The following LARP6 variants were observed in gnomAD, a reference collection of about 807,000 sequenced individuals.
The protein encoded by LARP6 is la-related protein 6.
In LARP6, 18 loss-of-function variants were observed where a neutral mutation model predicts 32.8. The observed-to-expected ratio is 0.55, with a 90% CI of 0.38 to 0.81. The LOEUF (loss-of-function observed/expected upper bound fraction) is 0.81. Ranked by LOEUF, LARP6 falls within the 40% of genes least tolerant of loss-of-function variation. The pLI is 0.00. For missense variants in LARP6, 598 were observed against 663.1 expected (o/e 0.90, Z 1.08); for synonymous variants, 289 against 267.2 (o/e 1.08, Z -0.80).
At chr15:70,844,200 G>A (rs1003947201) in intron 1 of LARP6, among the ~76,000 whole-genome samples, 1 of 152,010 alleles carries the variant, frequency 6.6e-6, no homozygotes, top group South Asian at 2.1e-4. Flanking sequence ...CATGTGATCT[G>A]CCTGCCTCAG....
chr15:70,837,403 T>A (rs1417951129), intron 1 of LARP6, among the ~76,000 whole-genome samples: 3 of 151,948 alleles, frequency 2.0e-5, no homozygotes, highest in South Asian at 2.1e-4. Flanking sequence ...TAATAATAAT[T>A]ATTATAATAA....
chr15:70,841,578 G>A (rs576832975), intron 1 of LARP6, among the ~76,000 whole-genome samples: 6 of 152,220 alleles, frequency 3.9e-5, no homozygotes, highest in African/African-American at 1.4e-4. Context: ...GAATCATGGG[G>A]TCGTTTCTCA....
At chr15:70,852,300 T>A (rs991011445) in intron 1 of LARP6, 1 of 455,724 alleles carries the variant, frequency 2.2e-6, no homozygotes, top group Non-Finnish European at 4.4e-6. Context: ...ACTGAACACT[T>A]GCTGAGACTC....
In LARP6 at chr15:70,854,016, C is replaced by T. The variant is rs2032574237; in HGVS notation, c.73G>A (p.Ala25Thr). 6.9e-7 allele frequency: 1 copy of T among 1,457,704 alleles called. No individual in the cohort carries two copies. Among genetic ancestry groups the T allele is most frequent in the Non-Finnish European group, 9.1e-7 (1 of 1,098,972 alleles). 90.3% of individuals were successfully genotyped at this position (1,457,704 alleles called of 1,614,324 possible). The change falls in exon 1 of 3, where the codon GCC becomes ACC. Residue 25 changes from alanine (A) to threonine (T), a missense_variant. Coordinates refer to ENST00000299213, the MANE Select transcript of LARP6 (RefSeq NM_018357.4). ...TCCTCCAACTCGTCCACGTCCTCGG[C>T]CTCCTGGATGGCGACGCGGATCTGC... ...AVQIRVAIQEAEDVDELEDEE... is the reference protein window; with the variant it reads ...AVQIRVAIQETEDVDELEDEE...
chr15:70,832,221 C>A lies in LARP6; in HGVS notation c.1307G>T (p.Arg436Leu). Residue 436 changes from arginine to leucine, a missense_variant, in exon 3 of 3, where the codon CGT becomes CTT. This residue lies in a region of LARP6 where 368 missense variants were observed against 397.9 expected (regional missense o/e 0.92). Coordinates refer to ENST00000299213, the MANE Select transcript of LARP6 (RefSeq NM_018357.4). ...CTGGGTCCCCATCTCGGCTTGGCGA[C>A]GCCTCCGGACCCAGGGGCTGCCAGA... ...TPSGSPWVRRRRQAEMGTQEK... is the reference protein window; with the variant it reads ...TPSGSPWVRRLRQAEMGTQEK... 1 of 1,613,884 alleles carries A rather than the reference C, an allele frequency of 6.2e-7. No individual in the cohort carries two copies.
intron 1 of LARP6, among the ~76,000 whole-genome samples, chr15:70,843,654 T>C (rs1010334888): frequency 1.5e-5 from 2 of 136,038 alleles, no homozygotes; most frequent in Non-Finnish European, 3.1e-5. Context: ...GGTGTCTTTT[T>C]TTTTTTTTTT....
chr15:70,832,713 G>A lies in LARP6; in HGVS notation c.815C>T (p.Ala272Val). The change falls in exon 3 of 3, where the codon GCC becomes GTC. Residue 272 changes from alanine (A) to valine (V), a missense_variant. Coordinates refer to ENST00000299213, the MANE Select transcript of LARP6 (RefSeq NM_018357.4). Reference sequence around the variant, plus strand: ...AGATTCTGTGATCATGAACTCATGGGCTTTGATGGCTGCTTCCACCTCCTC... The same window carrying A: ...AGATTCTGTGATCATGAACTCATGGACTTTGATGGCTGCTTCCACCTCCTC... Reference protein sequence around the residue: ...EFEEVEAAIKAHEFMITESQG... With the variant: ...EFEEVEAAIKVHEFMITESQG... The A allele has an allele frequency of 6.2e-7, 1 of 1,602,064 alleles. No homozygotes were observed. The highest frequency in any genetic ancestry group is 8.5e-7 in the Non-Finnish European group (1 of 1,175,302).
rs765130801 is a variant in LARP6, at chr15:70,832,172, G to A, written c.1356C>T (p.Pro452=). The change falls in exon 3 of 3, where the codon CCC becomes CCT. Residue 452 remains proline, a synonymous_variant. Coordinates refer to ENST00000299213, the MANE Select transcript of LARP6 (RefSeq NM_018357.4). ...GTQEKSPGTS[P]LLSRKMQTAD... ...CAGTCTGCATCTTCCGGGAGAGCAG[G>A]GGACTCGTACCGGGGCTTTTCTCCT... The A allele has an allele frequency of 6.2e-7, 1 of 1,613,812 alleles. No homozygotes were observed. Among genetic ancestry groups the A allele is most frequent in the Non-Finnish European group, 8.5e-7 (1 of 1,179,864 alleles).
At chr15:70,841,784 C>A (rs919928414) in intron 1 of LARP6, among the ~76,000 whole-genome samples, 2 of 152,090 alleles carry the variant, frequency 1.3e-5, no homozygotes, top group Non-Finnish European at 2.9e-5. Flanking sequence ...TGAGGCCTCC[C>A]CAGAAGTGGA....
At chr15:70,836,170 A>G in intron 2 of LARP6, 125 bp downstream of exon 2, 1 of 733,512 alleles carries the variant, frequency 1.4e-6, no homozygotes, top group South Asian at 1.8e-5. Context: ...TCTCTTTTTC[A>G]GGCACAGACT....
At chr15:70,849,754 T>C (rs1467995731) in intron 1 of LARP6, 2 of 152,178 alleles carry the variant, frequency 1.3e-5, no homozygotes, top group African/African-American at 2.4e-5. Context: ...AATCTATGAA[T>C]TGGAGAGAGA....
chr15:70,849,226 A>T (rs897293784), intron 1 of LARP6: 1 of 152,136 alleles, frequency 6.6e-6, no homozygotes, highest in Non-Finnish European at 1.5e-5. Flanking sequence ...GCATAGTGGC[A>T]GGCGCCTGTA....
rs2032149726 is a variant in LARP6, at chr15:70,836,460, C to T, written c.246G>A (p.Glu82=). ...SGGENEREDL[E]QEWKPPDEEL... Reference sequence around the variant, plus strand: ...CCTCATCCGGGGGCTTCCACTCCTGCTCCAGGTCCTCACGCTCGTTCTCAC... The same window carrying T: ...CCTCATCCGGGGGCTTCCACTCCTGTTCCAGGTCCTCACGCTCGTTCTCAC... The change falls in exon 2 of 3, where the codon GAG becomes GAA. Residue 82 remains glutamate (E), a synonymous_variant. Transcript: ENST00000299213. 1.9e-6 allele frequency: 3 copies of T among 1,614,220 alleles called. No individual in the cohort carries two copies. The highest frequency in any genetic ancestry group is 1.3e-5 in the African/African-American group (1 of 75,054).
rs146160992 is a variant in LARP6, at chr15:70,845,547, CCTAT to C, written c.200+8338_200+8341del. On this transcript the variant is annotated intron_variant, in intron 1 of 2. Coordinates refer to ENST00000299213, the MANE Select transcript of LARP6 (RefSeq NM_018357.4). ...TCACTGTGGATGCTAACCTTGATCACCTATCTGAGGTAGTGTTTGTCGGGTTTCT... is the reference window on the plus strand; with the variant it reads ...TCACTGTGGATGCTAACCTTGATCACCTGAGGTAGTGTTTGTCGGGTTTCT... Among the ~76,000 whole-genome samples, 31 of 152,296 alleles carry C rather than the reference CCTAT, an allele frequency of 2.0e-4. No individual in the cohort carries two copies. In the East Asian group the frequency reaches 5.6e-3, roughly 27 times the overall value.
In LARP6 at chr15:70,832,806, G is replaced by T. The variant is rs1304369334; in HGVS notation, c.722C>A (p.Pro241His). 1 of 1,612,034 alleles carries T rather than the reference G, an allele frequency of 6.2e-7. No homozygotes were observed. Among genetic ancestry groups the T allele is most frequent in the Admixed American group, 1.7e-5 (1 of 59,592 alleles). Residue 241 changes from proline (P) to histidine (H), a missense_variant, in exon 3 of 3, where the codon CCT (proline) becomes CAT (histidine). By Grantham distance (77) the Pro-to-His change is moderately conservative. Transcript: ENST00000299213. ...GCGGCTGCTGATCCTCCGGATGTCA[G>T]GGGGCAGCTCTCTCCCAGGTTTGAG... ...RILKPGRELP[P>H]DIRRISSRYS...
Position 70,834,359 on chromosome 15 carries a change from G to T in LARP6, c.412-1243C>A, listed in dbSNP as rs145014484. On this transcript the variant is annotated intron_variant, in intron 2 of 2. Transcript: ENST00000299213. ...ACAGAGAAGCAGGCCCAGGCAAAGGGTCGGATTTCAGGTGGACAGAGTCCA... is the reference window on the plus strand; with the variant it reads ...ACAGAGAAGCAGGCCCAGGCAAAGGTTCGGATTTCAGGTGGACAGAGTCCA... 2.0e-3 allele frequency among the ~76,000 whole-genome samples: 298 copies of T among 152,270 alleles called. 1 individual carries two copies. Among genetic ancestry groups the T allele is most frequent in the Middle Eastern group, 6.8e-3 (2 of 294 alleles).
chr15:70,842,583 A>G (rs1350781479), intron 1 of LARP6, among the ~76,000 whole-genome samples: 4 of 152,154 alleles, frequency 2.6e-5, no homozygotes, highest in South Asian at 2.1e-4. Context: ...TATGTCCACA[A>G]TCTAACTTCT....
intron 1 of LARP6, among the ~76,000 whole-genome samples, chr15:70,837,219 C>T (rs2032164222): frequency 6.6e-6 from 1 of 151,786 alleles, no homozygotes; most frequent in South Asian, 2.1e-4. Context: ...AAAACAACAA[C>T]AACAACAACA....
chr15:70,834,283 T>C (rs921818937), intron 2 of LARP6, among the ~76,000 whole-genome samples: 25 of 152,174 alleles, frequency 1.6e-4, no homozygotes, highest in Non-Finnish European at 4.4e-5. Flanking sequence ...CTGTGGTCTC[T>C]GGGAGAAATG....
Sources: allele counts gnomAD v4.1 joint callset (sites outside exome capture counted in the v4.1 genomes callset), GRCh38; gene constraint gnomAD v4.1.1; regional missense constraint gnomAD v4.1.1; transcripts MANE v1.5; gene names NCBI Gene and HGNC (gene_info 2026-07-23, HGNC 2026-07-21).